Variants in MECOM observed in about 807,000 individuals in gnomAD.
MECOM encodes histone-lysine N-methyltransferase MECOM.
A neutral mutation model predicts 116.3 loss-of-function variants in MECOM; 13 were observed. The ratio of observed to expected loss-of-function variants is 0.11; its 90% CI spans 0.07 to 0.18. The LOEUF is 0.18. Ranked by LOEUF, MECOM falls within the 10% of genes least tolerant of loss-of-function variation. The pLI, the probability that MECOM is intolerant of heterozygous loss-of-function variation, is 1.00. For missense variants in MECOM, 1,299 were observed against 1,509.0 expected (o/e 0.86, Z 2.31); for synonymous variants, 528 against 535.2 (o/e 0.99, Z 0.19).
At chr3:169,237,711 G>A (rs1396059460) in intron 2 of MECOM, among the ~76,000 whole-genome samples, 1 of 150,750 alleles carries the variant, frequency 6.6e-6, no homozygotes, top group Non-Finnish European at 1.5e-5. Context: ...AAAAATCACT[G>A]CATACCTGAA....
chr3:169,097,747 C>T (rs1032663696), intron 12 of MECOM, among the ~76,000 whole-genome samples: 6 of 141,994 alleles, frequency 4.2e-5, no homozygotes, highest in African/African-American at 1.3e-4. Flanking sequence ...AGGAGGCTGA[C>T]GTGGGAGAAC....
intron 1 of MECOM, among the ~76,000 whole-genome samples, chr3:169,501,580 C>A (rs1334566702): frequency 6.6e-6 from 1 of 152,130 alleles, no homozygotes; most frequent in Non-Finnish European, 1.5e-5. Flanking sequence ...TCTACAAATT[C>A]TTATTATTGC....
intron 2 of MECOM, among the ~76,000 whole-genome samples, chr3:169,187,791 T>C (rs1746976531): frequency 6.6e-6 from 1 of 151,974 alleles, no homozygotes; most frequent in African/African-American, 2.4e-5. Flanking sequence ...GAAGAAGTTG[T>C]TTAAGACTGT....
chr3:169,526,345 G>A (rs1437561894), intron 1 of MECOM, among the ~76,000 whole-genome samples: 1 of 152,162 alleles, frequency 6.6e-6, no homozygotes, highest in Non-Finnish European at 1.5e-5. Context: ...CAAAATGACA[G>A]ACATGAAGGA....
chr3:169,628,608 A>C (rs1771674585), intron 1 of MECOM, among the ~76,000 whole-genome samples: 1 of 152,206 alleles, frequency 6.6e-6, no homozygotes, highest in Non-Finnish European at 1.5e-5. Flanking sequence ...GGCAAGGTAC[A>C]CACAAGACTC....
chr3:169,146,907 T>C, intron 2 of MECOM: 3 of 1,030,038 alleles, frequency 2.9e-6, no homozygotes, highest in Non-Finnish European at 3.5e-6. Flanking sequence ...GCGTCTCGAT[T>C]TCCAAATGGG....
At chr3:169,100,640 GACA>G (rs1420513919) in intron 12 of MECOM, among the ~76,000 whole-genome samples, 3 of 152,076 alleles carry the variant, frequency 2.0e-5, no homozygotes, top group Non-Finnish European at 4.4e-5. Context: ...TTCTGTCCTA[GACA>G]CTGTGCTAGA....
chr3:169,657,343 T>A (rs1368218633), intron 1 of MECOM, among the ~76,000 whole-genome samples: 1 of 152,224 alleles, frequency 6.6e-6, no homozygotes, highest in East Asian at 1.9e-4. Context: ...GGCTTCACAA[T>A]ACATACAAAT....
intron 1 of MECOM, among the ~76,000 whole-genome samples, chr3:169,443,789 T>G (rs1318131204): frequency 9.2e-5 from 14 of 152,172 alleles, no homozygotes; most frequent in African/African-American, 3.4e-4. Context: ...GGGCTTTCAT[T>G]TTAGCAATCG....
At chr3:169,196,305 T>C (rs1227128157) in intron 2 of MECOM, among the ~76,000 whole-genome samples, 1 of 152,042 alleles carries the variant, frequency 6.6e-6, no homozygotes, top group Non-Finnish European at 1.5e-5. Flanking sequence ...AATCATTTTC[T>C]AAGAGGAAAG....
intron 1 of MECOM, among the ~76,000 whole-genome samples, chr3:169,523,619 G>A (rs1419474024): frequency 6.6e-6 from 1 of 152,080 alleles, no homozygotes; most frequent in Non-Finnish European, 1.5e-5. Flanking sequence ...AAGGGCCCCT[G>A]TGTAACCATT....
chr3:169,320,595 A>T (rs1720682161), intron 2 of MECOM, among the ~76,000 whole-genome samples: 1 of 152,194 alleles, frequency 6.6e-6, no homozygotes, highest in African/African-American at 2.4e-5. Flanking sequence ...AAGAGGAAAG[A>T]AGGAAGGGAA....
chr3:169,213,089 T>A (rs181646527), intron 2 of MECOM, among the ~76,000 whole-genome samples: 3 of 151,982 alleles, frequency 2.0e-5, no homozygotes, highest in African/African-American at 7.2e-5. Context: ...TTTTTTTTAA[T>A]ACTTTTCACT....
intron 2 of MECOM, among the ~76,000 whole-genome samples, chr3:169,259,633 G>A (rs1167472787): frequency 6.6e-6 from 1 of 152,146 alleles, no homozygotes; most frequent in Non-Finnish European, 1.5e-5. Context: ...GGAGGCTGAG[G>A]CAGGTGGATC....
At chr3:169,279,069 T>C (rs1389640291) in intron 2 of MECOM, among the ~76,000 whole-genome samples, 1 of 152,206 alleles carries the variant, frequency 6.6e-6, no homozygotes, top group East Asian at 1.9e-4. Flanking sequence ...TAAGAAGTCA[T>C]TCATTCAGAT....
chr3:169,405,658 A>G (rs1298869545), intron 1 of MECOM, among the ~76,000 whole-genome samples: 1 of 152,214 alleles, frequency 6.6e-6, no homozygotes, highest in Non-Finnish European at 1.5e-5. Context: ...TGCAGCAAAC[A>G]ATATGTCCAT....
chr3:169,546,272 C>T (rs1760710996), intron 1 of MECOM, among the ~76,000 whole-genome samples: 1 of 152,068 alleles, frequency 6.6e-6, no homozygotes, highest in South Asian at 2.1e-4. Context: ...AAGAATAACA[C>T]AGGAATAAAA....
At chr3:169,198,714 T>C (rs1748765472) in intron 2 of MECOM, among the ~76,000 whole-genome samples, 2 of 152,052 alleles carry the variant, frequency 1.3e-5, no homozygotes, top group South Asian at 4.1e-4. Flanking sequence ...CAAGTATCTA[T>C]TTGCCAATTA....
At chr3:169,370,574 C>T (rs1201774504) in intron 2 of MECOM, among the ~76,000 whole-genome samples, 1 of 151,590 alleles carries the variant, frequency 6.6e-6, no homozygotes, top group East Asian at 1.9e-4. Flanking sequence ...AAACAATCAA[C>T]AAAAACAAAG....
Sources: gnomAD v4.1 joint callset for allele counts (sites outside exome capture counted in the v4.1 genomes callset) on GRCh38, gnomAD v4.1.1 for gene constraint, MANE v1.5 for transcripts, NCBI Gene and HGNC (gene_info 2026-07-23, HGNC 2026-07-21) for gene names.